Variants in MGST1 observed in about 807,000 individuals in gnomAD.
MGST1 encodes microsomal glutathione S-transferase 1, also known as glutathione S-transferase 12.
Under a neutral mutation model 8.9 loss-of-function variants are expected in MGST1, and 5 were observed. The ratio of observed to expected loss-of-function variants is 0.56; its 90% CI spans 0.29 to 1.19. The LOEUF (loss-of-function observed/expected upper bound fraction) is 1.19. Ranked by LOEUF, MGST1 falls within the 50% of genes most tolerant of loss-of-function variation. MGST1 has a pLI of 0.08. For synonymous variants in MGST1, 54 were observed against 67.8 expected (o/e 0.80, Z 1.00); for missense variants, 182 against 187.4 (o/e 0.97, Z 0.17).
intron 4 of MGST1, among the ~76,000 whole-genome samples, chr12:16,557,930 G>A (rs1591772127): frequency 6.6e-6 from 1 of 151,878 alleles, no homozygotes; most frequent in African/African-American, 2.4e-5. Context: ...GGTCTCATAA[G>A]GTCCATTTTT....
At chr12:16,499,224 GT>G (rs1224171576) in intron 4 of MGST1, among the ~76,000 whole-genome samples, 1 of 152,194 alleles carries the variant, frequency 6.6e-6, no homozygotes, top group East Asian at 1.9e-4. Context: ...GTTTAACTAC[GT>G]GGGTAAATGC....
intron 3 of MGST1, among the ~76,000 whole-genome samples, chr12:16,358,775 A>ACAGTAATT (rs1939846343): frequency 2.6e-5 from 2 of 76,066 alleles, no homozygotes; most frequent in Non-Finnish European, 5.1e-5. Context: ...GCCAAAATTC[A>ACAGTAATT]TTCCTTTTTT....
At chr12:16,446,751 G>A (rs1178626105) in intron 4 of MGST1, among the ~76,000 whole-genome samples, 4 of 151,880 alleles carry the variant, frequency 2.6e-5, no homozygotes, top group Non-Finnish European at 4.4e-5. Flanking sequence ...CCAAGTGGTG[G>A]CTTGGGGAAG....
At chr12:16,350,158 T>C (rs1459668469) in intron 1 of MGST1, among the ~76,000 whole-genome samples, 1 of 151,966 alleles carries the variant, frequency 6.6e-6, no homozygotes, top group African/African-American at 2.4e-5. Context: ...TAAGTTACAC[T>C]TACTAAGTGG....
chr12:16,559,981 A>C lies in MGST1; in HGVS notation n.483-29547A>C, dbSNP rs929427742. Among the ~76,000 whole-genome samples, 1 of 151,954 alleles carries C rather than the reference A, an allele frequency of 6.6e-6. No individual in the cohort carries two copies. Among genetic ancestry groups the C allele is most frequent in the African/African-American group, 2.4e-5 (1 of 41,380 alleles). On this transcript the variant is annotated intron_variant and non_coding_transcript_variant, in intron 4 of 4. Transcript: ENST00000538857. The surrounding 1 kb of genome is among the most constrained non-coding windows in gnomAD (Gnocchi z 4.1). ...TATTTAAAAAAGCAAAAACAAAAACATGAGGGATAAGGAATTTAAAATATA... is the reference window on the plus strand; with the variant it reads ...TATTTAAAAAAGCAAAAACAAAAACCTGAGGGATAAGGAATTTAAAATATA...
downstream of MGST1, among the ~76,000 whole-genome samples, chr12:16,365,120 G>A (rs548269730): frequency 6.6e-6 from 1 of 152,196 alleles, no homozygotes; most frequent in East Asian, 1.9e-4. Context: ...CCATTTTAAA[G>A]GGATCCTTTT....
At chr12:16,432,731 C>CACACACAGAGAG (rs775306657) in intron 1 of MGST1, among the ~76,000 whole-genome samples, 21 of 132,758 alleles carry the variant, frequency 1.6e-4, no homozygotes, top group Admixed American at 3.1e-4. Flanking sequence ...CACACACACA[C>CACACACAGAGAG]AGAGAGAGAG....
intron 4 of MGST1, among the ~76,000 whole-genome samples, chr12:16,566,025 TATATATATATATATAA>T (rs1313084805): frequency 6.0e-5 from 5 of 83,058 alleles, no homozygotes; most frequent in Admixed American, 2.4e-4. Context: ...TATATATATA[TATATATATATATATAA>T]AATGGAGTAC....
intron 4 of MGST1, among the ~76,000 whole-genome samples, chr12:16,480,858 G>A (rs1216401682): frequency 6.6e-6 from 1 of 152,056 alleles, no homozygotes; most frequent in African/African-American, 2.4e-5. Flanking sequence ...ACCATTTGAG[G>A]CCAGTTTGAG....
chr12:16,419,510 C>T (rs1940815958), intron 1 of MGST1, among the ~76,000 whole-genome samples: 1 of 152,080 alleles, frequency 6.6e-6, no homozygotes, highest in African/African-American at 2.4e-5. Context: ...TGAACTTTCT[C>T]AATAAATTAC....
chr12:16,564,377 C>A (rs1380554484), intron 4 of MGST1, among the ~76,000 whole-genome samples: 3 of 152,174 alleles, frequency 2.0e-5, no homozygotes, highest in Non-Finnish European at 4.4e-5. Context: ...ACTAAATGTT[C>A]AACAGCTTCG....
downstream of MGST1, among the ~76,000 whole-genome samples, chr12:16,590,610 A>G (rs182235661): frequency 9.9e-4 from 151 of 152,148 alleles, no homozygotes; most frequent in East Asian, 0.026. Context: ...AATTAAAAAA[A>G]AAAATCGGTA....
chr12:16,567,641 A>G (rs913562892), intron 4 of MGST1: 1 of 152,236 alleles, frequency 6.6e-6, no homozygotes, highest in African/African-American at 2.4e-5. Flanking sequence ...TATTTTTTAA[A>G]TGACCAATAT....
intron 4 of MGST1, among the ~76,000 whole-genome samples, chr12:16,538,422 T>C (rs1383907625): frequency 6.6e-6 from 1 of 152,184 alleles, no homozygotes; most frequent in Non-Finnish European, 1.5e-5. Flanking sequence ...CCAAAGTCGC[T>C]TCCACATTCT....
intron 4 of MGST1, among the ~76,000 whole-genome samples, chr12:16,478,039 A>G (rs906930586): frequency 6.6e-6 from 1 of 152,002 alleles, no homozygotes; most frequent in Admixed American, 6.6e-5. Flanking sequence ...TTATTTATTT[A>G]TTTGTTTTTG....
At chr12:16,464,939 C>T (rs1941243514) in intron 4 of MGST1, among the ~76,000 whole-genome samples, 1 of 152,188 alleles carries the variant, frequency 6.6e-6, no homozygotes, top group East Asian at 1.9e-4. Context: ...CCTCATTTCC[C>T]CTTGTGCACA....
chr12:16,561,196 A>T (rs987781774), intron 4 of MGST1, among the ~76,000 whole-genome samples: 2 of 152,180 alleles, frequency 1.3e-5, no homozygotes, highest in Non-Finnish European at 2.9e-5. Flanking sequence ...TTTAAAAAAA[A>T]TTCCTATTTG....
At chr12:16,418,514 A>G (rs10772935) in intron 1 of MGST1, among the ~76,000 whole-genome samples, 80,438 of 151,994 alleles carry the variant, frequency 0.53, 22,326 homozygotes, top group East Asian at 0.87. Context: ...ACGTTTCAAC[A>G]AGCGGTGTCA....
chr12:16,400,349 C>T, intron 1 of MGST1: 1 of 811,642 alleles, frequency 1.2e-6, no homozygotes, highest in Non-Finnish European at 2.2e-6. Context: ...AGTTTGTCTC[C>T]TCGAACAGAT....
Sources: allele counts gnomAD v4.1 joint callset (sites outside exome capture counted in the v4.1 genomes callset), GRCh38; gene constraint gnomAD v4.1.1; non-coding constraint Gnocchi (gnomAD v3.1); transcripts MANE v1.5; gene names NCBI Gene and HGNC (gene_info 2026-07-23, HGNC 2026-07-21).